EPB41L3: variants seen among roughly 807,000 people sequenced by gnomAD.
EPB41L3 encodes the protein erythrocyte membrane protein band 4.1 like 3, also known as band 4.1-like protein 3.
A neutral mutation model predicts 127.1 loss-of-function variants in EPB41L3; 57 were observed. The ratio of observed to expected loss-of-function variants is 0.45; its 90% CI spans 0.36 to 0.56. The LOEUF (loss-of-function observed/expected upper bound fraction) is 0.56, where lower values mean the gene tolerates loss of function less well. Ranked by LOEUF, EPB41L3 falls within the 20% of genes least tolerant of loss-of-function variation. EPB41L3 has a pLI of 0.00. For synonymous variants in EPB41L3, 572 were observed against 549.5 expected, an observed-to-expected ratio of 1.04 and a Z score of -0.57; for missense variants, 1,273 against 1,372.2, an observed-to-expected ratio of 0.93 and a Z score of 1.14.
At chr18:5,518,926 A>G (rs1420429023) in intron 1 of EPB41L3, among the ~76,000 whole-genome samples, 1 of 152,246 alleles carries the variant, frequency 6.6e-6, no homozygotes, top group Non-Finnish European at 1.5e-5. Context: ...TCTCAAACGT[A>G]ACAGGAGTAA....
intron 16 of EPB41L3, among the ~76,000 whole-genome samples, chr18:5,402,157 T>G (rs1306520990): frequency 1.3e-5 from 2 of 151,128 alleles, no homozygotes; most frequent in African/African-American, 4.8e-5. Flanking sequence ...ACAAGCCATT[T>G]TCAGAGGAGG....
intron 14 of EPB41L3, among the ~76,000 whole-genome samples, chr18:5,410,200 G>A (rs1430627139): frequency 6.7e-6 from 1 of 150,098 alleles, no homozygotes; most frequent in Admixed American, 6.6e-5. Flanking sequence ...CCTCTCATTT[G>A]AGATAGAATT....
intron 6 of EPB41L3, among the ~76,000 whole-genome samples, chr18:5,437,443 T>C (rs532226422): frequency 2.6e-5 from 4 of 152,342 alleles, no homozygotes; most frequent in Admixed American, 6.5e-5. Flanking sequence ...ACCCACTTTA[T>C]AGTATTTTGT....
upstream of EPB41L3, among the ~76,000 whole-genome samples, chr18:5,548,569 C>T (rs908972258): frequency 6.6e-6 from 1 of 152,074 alleles, no homozygotes; most frequent in South Asian, 2.1e-4. Context: ...AAGGTGGACC[C>T]ATACATAGTA....
Position 5,476,572 on chromosome 18 carries a change from T to C in EPB41L3, c.381+1669A>G, listed in dbSNP as rs540550349. Among the ~76,000 whole-genome samples the C allele has an allele frequency of 6.6e-4, 101 of 152,360 alleles. 1 individual carries two copies. Among genetic ancestry groups the C allele is most frequent in the Non-Finnish European group, 1.2e-4 (8 of 68,036 alleles). On this transcript the variant is annotated intron_variant, in intron 3 of 22. Coordinates refer to ENST00000341928, the MANE Select transcript of EPB41L3 (RefSeq NM_012307.5). ...TTTCTTCTAGACTCTTGGAAGACTC[T>C]GATAGCTAGGACTCGAAGACTGCCA...
intron 3 of EPB41L3, among the ~76,000 whole-genome samples, chr18:5,557,398 T>C (rs1445697634): frequency 6.6e-6 from 1 of 152,276 alleles, no homozygotes; most frequent in Admixed American, 6.5e-5. Flanking sequence ...TGTTTTTGTT[T>C]TTTGAGACAG....
chr18:5,567,903 A>G (rs2094228093), intron 3 of EPB41L3, among the ~76,000 whole-genome samples: 1 of 152,166 alleles, frequency 6.6e-6, no homozygotes, highest in African/African-American at 2.4e-5. Flanking sequence ...TATTTTTTAA[A>G]ACTGAGAATA....
At chr18:5,396,397 T>C (rs879796765) in intron 18 of EPB41L3, 65 bp from the exon 19 acceptor site, 3 of 1,594,728 alleles carry the variant, frequency 1.9e-6, no homozygotes, top group Non-Finnish European at 2.6e-6. Context: ...TTTTCTTCCT[T>C]TTCCTCTCTT....
intron 1 of EPB41L3, among the ~76,000 whole-genome samples, chr18:5,538,371 T>G (rs2093630557): frequency 6.6e-6 from 1 of 152,252 alleles, no homozygotes; most frequent in Non-Finnish European, 1.5e-5. Flanking sequence ...CAATTTTTGA[T>G]GCATATTCAC....
intron 1 of EPB41L3, among the ~76,000 whole-genome samples, chr18:5,518,191 G>A (rs188645808): frequency 5.3e-4 from 80 of 152,114 alleles, no homozygotes; most frequent in African/African-American, 1.9e-3. Context: ...GGGTCCACAC[G>A]GCCCTGCCAC....
chr18:5,624,330 T>C (rs913027928), intron 1 of EPB41L3, among the ~76,000 whole-genome samples: 4 of 152,234 alleles, frequency 2.6e-5, no homozygotes, highest in Non-Finnish European at 2.9e-5. Flanking sequence ...CAGTACTTTA[T>C]GGGCATCTTG....
chr18:5,491,418 T>C (rs535559633), intron 1 of EPB41L3, among the ~76,000 whole-genome samples: 3 of 152,326 alleles, frequency 2.0e-5, no homozygotes, highest in African/African-American at 7.2e-5. Context: ...ATTTTAGTGT[T>C]ATCAGCCTAG....
chr18:5,421,285 G>C (rs2077440504), intron 11 of EPB41L3, among the ~76,000 whole-genome samples: 1 of 151,558 alleles, frequency 6.6e-6, no homozygotes, highest in African/African-American at 2.4e-5. Flanking sequence ...GCACGTCACT[G>C]AACAAAGTGG....
intron 1 of EPB41L3, among the ~76,000 whole-genome samples, chr18:5,541,060 G>A (rs1475032038): frequency 1.8e-5 from 2 of 110,802 alleles, no homozygotes; most frequent in African/African-American, 6.0e-5. Context: ...ACTCCAGCCT[G>A]GGCGACAGAG....
chr18:5,395,923 G>A (rs1214927324), intron 19 of EPB41L3, among the ~76,000 whole-genome samples: 1 of 152,110 alleles, frequency 6.6e-6, no homozygotes, highest in Admixed American at 6.5e-5. Context: ...TGTGAGTGGT[G>A]GATGGGTGAG....
At chr18:5,468,460 T>C (rs1033938518) in intron 3 of EPB41L3, among the ~76,000 whole-genome samples, 2 of 152,094 alleles carry the variant, frequency 1.3e-5, no homozygotes, top group Non-Finnish European at 2.9e-5. Flanking sequence ...ACGTACTTCC[T>C]CCCTTCTGAA....
intron 3 of EPB41L3, among the ~76,000 whole-genome samples, chr18:5,552,255 G>A (rs2149148465): frequency 1.3e-5 from 2 of 152,318 alleles, no homozygotes; most frequent in South Asian, 4.1e-4. Context: ...TGGCTACCCA[G>A]TTCATAGTAA....
chr18:5,502,633 G>C (rs2091842618), intron 1 of EPB41L3, among the ~76,000 whole-genome samples: 1 of 152,204 alleles, frequency 6.6e-6, no homozygotes, highest in South Asian at 2.1e-4. Flanking sequence ...AAGAGGAGAA[G>C]CTGAAAAGGA....
chr18:5,507,618 A>G (rs748971675), intron 1 of EPB41L3, among the ~76,000 whole-genome samples: 5 of 152,254 alleles, frequency 3.3e-5, no homozygotes, highest in Admixed American at 6.5e-5. Context: ...TGTTGACTAC[A>G]TAGCATTAAT....
Sources: allele counts gnomAD v4.1 joint callset (sites outside exome capture counted in the v4.1 genomes callset), GRCh38; gene constraint gnomAD v4.1.1; transcripts MANE v1.5; gene names NCBI Gene and HGNC (gene_info 2026-07-23, HGNC 2026-07-21).